The following INTU variants were observed in gnomAD, a reference collection of about 807,000 sequenced individuals.
INTU encodes protein inturned.
Under a neutral mutation model 100.5 loss-of-function variants are expected in INTU, and 68 were observed. The ratio of observed to expected loss-of-function variants is 0.68; its 90% CI spans 0.56 to 0.83. The LOEUF (loss-of-function observed/expected upper bound fraction) is 0.83, where lower values mean the gene tolerates loss of function less well. INTU is among the 40% of genes least tolerant of loss of function. The pLI is 0.00. For missense variants in INTU, 1,071 were observed against 1,114.7 expected (o/e 0.96, Z 0.56); for synonymous variants, 357 against 395.7 (o/e 0.90, Z 1.16).
chr4:127,672,593 A>G (rs1404284054), intron 5 of INTU, among the ~76,000 whole-genome samples: 2 of 151,944 alleles, frequency 1.3e-5, no homozygotes, highest in African/African-American at 2.4e-5. Flanking sequence ...ATACAGCTAG[A>G]AAAACTTTTT....
chr4:127,635,844 C>G (rs1727044464), intron 1 of INTU, among the ~76,000 whole-genome samples: 1 of 152,156 alleles, frequency 6.6e-6, no homozygotes, highest in Admixed American at 6.5e-5. Flanking sequence ...CTTTTTGTCA[C>G]TCTATAGGAG....
intron 1 of INTU, among the ~76,000 whole-genome samples, chr4:127,641,200 G>T (rs1413065122): frequency 6.6e-6 from 1 of 152,018 alleles, no homozygotes; most frequent in South Asian, 2.1e-4. Context: ...ATCCACCAAC[G>T]ATTTACTTGC....
intron 6 of INTU, among the ~76,000 whole-genome samples, chr4:127,679,050 T>G (rs537510629): frequency 0.018 from 2,772 of 152,008 alleles, 86 homozygotes; most frequent in African/African-American, 0.062. Flanking sequence ...CAAGAAGAGC[T>G]AACTATCCTA....
chr4:127,700,359 C>G (rs760513196), intron 9 of INTU, among the ~76,000 whole-genome samples: 12 of 151,942 alleles, frequency 7.9e-5, no homozygotes, highest in Admixed American at 5.2e-4. Context: ...AAATAAGAAC[C>G]CTGTAGAGCT....
Position 127,633,020 on chromosome 4 carries a change from A to C in INTU, c.-15A>C. ...GATTTGAATTACTCCACTCGTAGCT[A>C]TTGCATTCCTGACGATGGCCTCTGT... On this transcript the variant is annotated 5_prime_UTR_variant, in exon 1 of 16. Transcript: ENST00000335251. 1 of 1,609,490 alleles carries C rather than the reference A, an allele frequency of 6.2e-7. No homozygotes were observed. The highest frequency in any genetic ancestry group is 8.5e-7 in the Non-Finnish European group (1 of 1,176,790).
intron 1 of INTU, among the ~76,000 whole-genome samples, chr4:127,634,139 C>T (rs1560822156): frequency 6.6e-6 from 1 of 152,064 alleles, no homozygotes; most frequent in Non-Finnish European, 1.5e-5. Context: ...TTTATCATTG[C>T]CTTTAAAAGT....
At position 127,705,714 on chromosome 4, in the gene INTU, G is replaced by C; in HGVS notation, c.1690G>C (p.Glu564Gln). 2.5e-6 allele frequency: 4 copies of C among 1,614,076 alleles called. No homozygotes were observed. Among genetic ancestry groups the C allele is most frequent in the Non-Finnish European group, 3.4e-6 (4 of 1,179,940 alleles). ...AATTGGTCAGTTGATCATATGGAGA[G>C]AAGTGTTTCCTCAGCATCACCTCCG... Reference protein sequence around the residue: ...QRIGQLIIWREVFPQHHLRPL... With the variant: ...QRIGQLIIWRQVFPQHHLRPL... The change falls in exon 11 of 16, where the codon GAA becomes CAA. Residue 564 changes from glutamate (E) to glutamine (Q), a missense_variant. Coordinates refer to ENST00000335251, the MANE Select transcript of INTU (RefSeq NM_015693.4).
At chr4:127,703,055 G>T (rs113167510) in intron 9 of INTU, among the ~76,000 whole-genome samples, 31 of 152,258 alleles carry the variant, frequency 2.0e-4, no homozygotes, top group Non-Finnish European at 3.5e-4. Context: ...CTCCACATGT[G>T]TCTTGAGAAT....
chr4:127,667,198 A>G (rs1009256107), intron 4 of INTU, among the ~76,000 whole-genome samples: 3 of 152,146 alleles, frequency 2.0e-5, no homozygotes, highest in Non-Finnish European at 2.9e-5. Context: ...CTTTCTTTCC[A>G]TGGGAAAGTG....
At chr4:127,702,555 A>G (rs1730695553) in intron 9 of INTU, among the ~76,000 whole-genome samples, 1 of 152,156 alleles carries the variant, frequency 6.6e-6, no homozygotes, top group Non-Finnish European at 1.5e-5. Flanking sequence ...ACTGTTCTAC[A>G]TCTCAATTTT....
chr4:127,677,286 C>A (rs1361917422), intron 6 of INTU, among the ~76,000 whole-genome samples: 1 of 152,100 alleles, frequency 6.6e-6, no homozygotes, highest in Non-Finnish European at 1.5e-5. Flanking sequence ...TGAGAATGGG[C>A]AGACTGCCTC....
In INTU at chr4:127,643,648, G is replaced by C. The variant is rs1414705517; in HGVS notation, c.274G>C (p.Glu92Gln). The C allele has an allele frequency of 1.2e-6, 2 of 1,613,798 alleles. No individual in the cohort carries two copies. The highest frequency in any genetic ancestry group is 1.7e-6 in the Non-Finnish European group (2 of 1,179,940). Residue 92 changes from glutamate to glutamine, a missense_variant, in exon 2 of 16, where the codon GAA (glutamate) becomes CAA (glutamine). Glu to Gln is a conservative substitution (Grantham distance 29). Coordinates refer to ENST00000335251, the MANE Select transcript of INTU (RefSeq NM_015693.4). ...AACTGTGAACCATGTCAGGTTCAGT[G>C]AAAATGAGATTATCATTGAAGATGA... Reference protein sequence around the residue: ...TPTVNHVRFSENEIIIEDDYK... With the variant: ...TPTVNHVRFSQNEIIIEDDYK...
At chr4:127,700,095 C>A in intron 9 of INTU, 32 bp downstream of exon 9, 3 of 1,520,342 alleles carry the variant, frequency 2.0e-6, no homozygotes, top group Non-Finnish European at 1.8e-6. Context: ...ATAAAAGGCT[C>A]AATGTTGAAT....
intron 8 of INTU, among the ~76,000 whole-genome samples, chr4:127,697,289 T>A (rs953314148): frequency 1.3e-5 from 2 of 152,124 alleles, no homozygotes; most frequent in Non-Finnish European, 2.9e-5. Flanking sequence ...TATTATTTAC[T>A]TCTCTCTTTC....
In INTU at chr4:127,723,753, T is replaced by G. The variant is rs1406665683; in HGVS notation, c.*7317T>G. 1 of 150,474 alleles carries G rather than the reference T, an allele frequency of 6.6e-6. No homozygotes were observed. Among genetic ancestry groups the G allele is most frequent in the Non-Finnish European group, 1.5e-5 (1 of 67,500 alleles). The allele number at this position is 150,474 out of a possible 1,614,324, so 9.3% of individuals were successfully genotyped here. On this transcript the variant is annotated 3_prime_UTR_variant, in exon 16 of 16. Coordinates refer to ENST00000335251, the MANE Select transcript of INTU (RefSeq NM_015693.4). Reference sequence around the variant, plus strand: ...GGGAGGCTGAGGCAGGTGGATCACTTGAGTCCAGGAGTTCAAGACCAGCCT... The same window carrying G: ...GGGAGGCTGAGGCAGGTGGATCACTGGAGTCCAGGAGTTCAAGACCAGCCT...
intron 6 of INTU, among the ~76,000 whole-genome samples, chr4:127,675,588 C>T (rs1227066184): frequency 2.6e-5 from 4 of 152,104 alleles, no homozygotes; most frequent in Non-Finnish European, 5.9e-5. Flanking sequence ...GTAGTTCTGC[C>T]TCAAGGTCTT....
At chr4:127,716,127 A>G (rs376960307) in intron 15 of INTU, among the ~76,000 whole-genome samples, 198 bp from the exon 16 acceptor site, 5 of 152,206 alleles carry the variant, frequency 3.3e-5, no homozygotes, top group Admixed American at 2.6e-4. Flanking sequence ...TAGAGCAATA[A>G]AAACTAATTG....
chr4:127,698,239 G>A lies in INTU; in HGVS notation c.1450-1771G>A, dbSNP rs542174051. Among the ~76,000 whole-genome samples the A allele has an allele frequency of 6.4e-4, 98 of 152,214 alleles. 2 individuals carry two copies. In the Middle Eastern group the frequency reaches 0.01, roughly 16 times the overall value. On this transcript the variant is annotated intron_variant, in intron 8 of 15. Transcript: ENST00000335251. ...GCACTTTGGGAGGCCGAGGTGGGAG[G>A]ATCACAAGGTCAGGAGTTCGAGACC...
intron 12 of INTU, among the ~76,000 whole-genome samples, chr4:127,707,330 C>T (rs1424407340): frequency 7.0e-6 from 1 of 142,934 alleles, no homozygotes; most frequent in Non-Finnish European, 1.5e-5. Flanking sequence ...TTGCAATGAG[C>T]CGAGATTGTG....
Sources: allele counts gnomAD v4.1 joint callset (sites outside exome capture counted in the v4.1 genomes callset), GRCh38; gene constraint gnomAD v4.1.1; transcripts MANE v1.5; gene names NCBI Gene and HGNC (gene_info 2026-07-23, HGNC 2026-07-21).